Variants in HS3ST4 observed in about 807,000 individuals in gnomAD.
HS3ST4 encodes heparan sulfate glucosamine 3-O-sulfotransferase 4.
Under a neutral mutation model 29.2 loss-of-function variants are expected in HS3ST4, and 17 were observed. The ratio of observed to expected loss-of-function variants is 0.58; its 90% CI spans 0.40 to 0.87. The LOEUF (loss-of-function observed/expected upper bound fraction) is 0.87, where lower values mean the gene tolerates loss of function less well. Among genes scored for constraint, HS3ST4 ranks in the 40% least tolerant of loss-of-function variants. The pLI is 0.00. For synonymous variants in HS3ST4, 314 were observed against 285.7 expected (o/e 1.10, Z -1.00); for missense variants, 627 against 634.5 (o/e 0.99, Z 0.13).
At chr16:25,732,037 G>T (rs1210801326) in intron 1 of HS3ST4, among the ~76,000 whole-genome samples, 1 of 152,090 alleles carries the variant, frequency 6.6e-6, no homozygotes, top group Admixed American at 6.6e-5. Context: ...ATCCAAAATT[G>T]GGGTAGACAC....
At chr16:25,694,178 G>C (rs749169496) in intron 1 of HS3ST4, among the ~76,000 whole-genome samples, 1 of 152,150 alleles carries the variant, frequency 6.6e-6, no homozygotes, top group Non-Finnish European at 1.5e-5. Context: ...CACAGCCTTT[G>C]TCAGCTGAAG....
At chr16:25,788,136 G>C (rs182575230) in intron 1 of HS3ST4, among the ~76,000 whole-genome samples, 51 of 152,234 alleles carry the variant, frequency 3.4e-4, no homozygotes, top group African/African-American at 1.2e-3. Flanking sequence ...ATGCCAGGCC[G>C]GTGCAGTGGC....
chr16:25,772,316 T>C (rs948977734), intron 1 of HS3ST4, among the ~76,000 whole-genome samples: 1 of 152,232 alleles, frequency 6.6e-6, no homozygotes, highest in Non-Finnish European at 1.5e-5. Flanking sequence ...GAATGCATCA[T>C]TGATAGCCCA....
intron 1 of HS3ST4, among the ~76,000 whole-genome samples, chr16:26,080,812 G>A (rs1567307789): frequency 6.6e-6 from 1 of 152,130 alleles, no homozygotes; most frequent in Non-Finnish European, 1.5e-5. Context: ...AGTTACAGAT[G>A]CCGGTTGTTG....
chr16:26,125,990 G>T (rs556488877), intron 1 of HS3ST4, among the ~76,000 whole-genome samples: 1 of 152,308 alleles, frequency 6.6e-6, no homozygotes, highest in East Asian at 1.9e-4. Flanking sequence ...TTAGCTCTTA[G>T]GTTTTAAGAA....
At chr16:26,004,630 A>G (rs1181616221) in intron 1 of HS3ST4, among the ~76,000 whole-genome samples, 1 of 152,210 alleles carries the variant, frequency 6.6e-6, no homozygotes, top group Admixed American at 6.5e-5. Context: ...CTCCATGCCA[A>G]TATCCTGGAC....
intron 1 of HS3ST4, among the ~76,000 whole-genome samples, chr16:25,908,123 T>C (rs980322809): frequency 6.6e-5 from 10 of 152,204 alleles, no homozygotes; most frequent in African/African-American, 9.6e-5. Flanking sequence ...TGCAGTAGAA[T>C]GTCTGGCTGA....
chr16:25,959,538 A>C (rs867073035), intron 1 of HS3ST4, among the ~76,000 whole-genome samples: 1 of 152,198 alleles, frequency 6.6e-6, no homozygotes. Context: ...ACTAAACTCT[A>C]TCTCTTCATG....
At chr16:25,901,771 C>G (rs1968121801) in intron 1 of HS3ST4, among the ~76,000 whole-genome samples, 1 of 152,236 alleles carries the variant, frequency 6.6e-6, no homozygotes, top group Admixed American at 6.5e-5. Flanking sequence ...ACCTACTGCT[C>G]TTCCTCCATC....
intron 1 of HS3ST4, among the ~76,000 whole-genome samples, chr16:25,780,401 T>A (rs1197796674): frequency 1.3e-5 from 2 of 150,454 alleles, no homozygotes; most frequent in South Asian, 2.1e-4. Flanking sequence ...CCACTGACTG[T>A]CTGTCTCTCT....
chr16:25,748,837 GT>G (rs1483740730), intron 1 of HS3ST4, among the ~76,000 whole-genome samples: 1 of 152,134 alleles, frequency 6.6e-6, no homozygotes, highest in African/African-American at 2.4e-5. Flanking sequence ...AAATATTAAA[GT>G]TTTTATACTG....
intron 1 of HS3ST4, among the ~76,000 whole-genome samples, chr16:26,000,688 A>G (rs1969204673): frequency 3.9e-5 from 6 of 152,216 alleles, no homozygotes; most frequent in Admixed American, 6.5e-5. Flanking sequence ...GAGGTCAGAC[A>G]GTCAAGGTTC....
At chr16:26,076,702 A>G (rs1300034047) in intron 1 of HS3ST4, among the ~76,000 whole-genome samples, 1 of 152,230 alleles carries the variant, frequency 6.6e-6, no homozygotes, top group Non-Finnish European at 1.5e-5. Context: ...TTATACCTCA[A>G]TTGATAGCAG....
chr16:25,699,496 A>G (rs955484708), intron 1 of HS3ST4, among the ~76,000 whole-genome samples: 2 of 151,972 alleles, frequency 1.3e-5, no homozygotes, highest in Admixed American at 6.5e-5. Context: ...ACTTGCACTT[A>G]TAAAATAGAT....
chr16:25,790,847 A>G (rs893382447), intron 1 of HS3ST4, among the ~76,000 whole-genome samples: 7 of 152,110 alleles, frequency 4.6e-5, no homozygotes, highest in Non-Finnish European at 1.0e-4. Context: ...GTCTGTGCCG[A>G]TGTTTTTTCA....
chr16:25,785,976 G>A (rs533085035), intron 1 of HS3ST4, among the ~76,000 whole-genome samples: 2 of 152,164 alleles, frequency 1.3e-5, no homozygotes, highest in Admixed American at 6.6e-5. Flanking sequence ...AGATGGGGAG[G>A]TGTACATTGA....
chr16:25,965,384 A>C (rs1968833105), intron 1 of HS3ST4, among the ~76,000 whole-genome samples: 1 of 132,182 alleles, frequency 7.6e-6, no homozygotes, highest in African/African-American at 3.1e-5. Flanking sequence ...GGGTGACAAG[A>C]GTGAAATTTC....
At chr16:25,739,615 CTG>C (rs1044535135) in intron 1 of HS3ST4, among the ~76,000 whole-genome samples, 73 of 152,326 alleles carry the variant, frequency 4.8e-4, no homozygotes, top group African/African-American at 1.6e-3. Context: ...AGCGATGACA[CTG>C]TTCATCAGAG....
chr16:25,918,718 T>C (rs1968317337), intron 1 of HS3ST4, among the ~76,000 whole-genome samples: 1 of 152,114 alleles, frequency 6.6e-6, no homozygotes, highest in Non-Finnish European at 1.5e-5. Flanking sequence ...GGCTGGAGAA[T>C]CGCTTGAACC....
Sources: allele counts gnomAD v4.1 joint callset (sites outside exome capture counted in the v4.1 genomes callset), GRCh38; gene constraint gnomAD v4.1.1; transcripts MANE v1.5; gene names NCBI Gene and HGNC (gene_info 2026-07-23, HGNC 2026-07-21).